SLC60A2: variants seen among roughly 807,000 people sequenced by gnomAD.
SLC60A2 encodes solute carrier family 60 member 2.
At chr6:111,266,247 G>A in the SLC60A2 span, 10 of 1,613,996 alleles carry the variant, frequency 6.2e-6, no homozygotes, top group Middle Eastern at 1.6e-4. Flanking sequence ...ATATCACAAC[G>A]CCCTTCTTTG....
chr6:111,265,353 G>A, the SLC60A2 span: 1 of 984,942 alleles, frequency 1.0e-6, no homozygotes, highest in Admixed American at 6.2e-5. Context: ...ATGCTAAACG[G>A]TGTCCTTGTT....
the SLC60A2 span, chr6:111,259,393 T>C: frequency 2.6e-6 from 1 of 380,418 alleles, no homozygotes; most frequent in Non-Finnish European, 4.7e-6. Flanking sequence ...GTTCCTCTTC[T>C]CTGCCCCGGT....
chr6:111,262,235 CTT>C, the SLC60A2 span: 8 of 1,596,128 alleles, frequency 5.0e-6, no homozygotes, highest in Non-Finnish European at 6.0e-6. Context: ...TAAGTAAAAA[CTT>C]TTGTCTTTTT....
At chr6:111,275,944 C>G in the SLC60A2 span, among the ~76,000 whole-genome samples, 1 of 152,260 alleles carries the variant, frequency 6.6e-6, no homozygotes, top group Non-Finnish European at 1.5e-5. Flanking sequence ...TCTACGCCCC[C>G]ATCCCAGCCC....
At chr6:111,267,318 A>T in the SLC60A2 span, 1 of 530,976 alleles carries the variant, frequency 1.9e-6, no homozygotes, top group South Asian at 2.8e-5. Flanking sequence ...TCATACACGT[A>T]CAATAGGATC....
chr6:111,272,550 T>C, the SLC60A2 span, among the ~76,000 whole-genome samples: 1 of 150,944 alleles, frequency 6.6e-6, no homozygotes, highest in African/African-American at 2.4e-5. Flanking sequence ...TCACTCTTGT[T>C]GCCCAGGCTG....
the SLC60A2 span, chr6:111,271,125 G>A: frequency 1.5e-5 from 2 of 134,122 alleles, no homozygotes; most frequent in African/African-American, 2.9e-5. Context: ...CCAAGATGGC[G>A]CCACTACACT....
At chr6:111,264,839 A>G in the SLC60A2 span, among the ~76,000 whole-genome samples, 1 of 151,780 alleles carries the variant, frequency 6.6e-6, no homozygotes, top group Admixed American at 6.6e-5. Context: ...TACGCCTATA[A>G]TCCTAGCACT....
chr6:111,277,933 G>T, the SLC60A2 span: 1 of 152,068 alleles, frequency 6.6e-6, no homozygotes. Context: ...TTGGATTACA[G>T]CTCCAAAGAC....
the SLC60A2 span, among the ~76,000 whole-genome samples, chr6:111,275,405 A>G: frequency 6.7e-6 from 1 of 150,206 alleles, no homozygotes; most frequent in Non-Finnish European, 1.5e-5. Flanking sequence ...TTAGCTCAGA[A>G]CAACTTTTTT....
At chr6:111,260,628 T>G in the SLC60A2 span, among the ~76,000 whole-genome samples, 1 of 152,210 alleles carries the variant, frequency 6.6e-6, no homozygotes, top group East Asian at 1.9e-4. Context: ...CACTTGATAA[T>G]TATGATCCTG....
chr6:111,271,775 TAAAAAAAAAAAAAAAAAA>T, the SLC60A2 span, among the ~76,000 whole-genome samples: 6 of 18,850 alleles, frequency 3.2e-4, no homozygotes, highest in East Asian at 4.5e-3. Flanking sequence ...CCATCTCTAC[TAAAAAAAAAAAAAAAAAA>T]AAAAAAAAAA....
chr6:111,279,292 C>T, the SLC60A2 span, among the ~76,000 whole-genome samples: 23,727 of 149,608 alleles, frequency 0.16, 2,029 homozygotes, highest in East Asian at 0.34. Context: ...GACAGAGTCT[C>T]GCTCTATTGC....
At chr6:111,265,252 C>A in the SLC60A2 span, 1 of 964,964 alleles carries the variant, frequency 1.0e-6, no homozygotes, top group Non-Finnish European at 1.2e-6. Context: ...ATATATTTAT[C>A]TGAAAATATC....
At chr6:111,277,035 T>C in the SLC60A2 span, among the ~76,000 whole-genome samples, 1 of 152,236 alleles carries the variant, frequency 6.6e-6, no homozygotes, top group Non-Finnish European at 1.5e-5. Flanking sequence ...CTGGTTAGCC[T>C]ATGAAGGGGT....
chr6:111,259,673 G>A, the SLC60A2 span: 1 of 1,590,532 alleles, frequency 6.3e-7, no homozygotes, highest in Non-Finnish European at 8.6e-7. Context: ...GTGGGACCGG[G>A]AGCAAGCTGC....
At chr6:111,268,154 C>CAAAATGATAAAAAA in the SLC60A2 span, 1 of 152,106 alleles carries the variant, frequency 6.6e-6, no homozygotes, top group East Asian at 1.9e-4. Context: ...GAAGTGAAAC[C>CAAAATGATAAAAAA]AAAATGATAA....
chr6:111,276,842 C>T, the SLC60A2 span, among the ~76,000 whole-genome samples: 1 of 152,190 alleles, frequency 6.6e-6, no homozygotes, highest in Non-Finnish European at 1.5e-5. Context: ...CATTCCTGGC[C>T]CATCTTCTAT....
the SLC60A2 span, among the ~76,000 whole-genome samples, chr6:111,279,911 G>A: frequency 6.6e-6 from 1 of 152,064 alleles, no homozygotes; most frequent in East Asian, 1.9e-4. Context: ...CTGCATGAGT[G>A]AGACTCCATC....
Sources: gnomAD v4.1 joint callset for allele counts (sites outside exome capture counted in the v4.1 genomes callset) on GRCh38, gnomAD v4.1.1 for gene constraint, MANE v1.5 for transcripts, NCBI Gene and HGNC (gene_info 2026-07-23, HGNC 2026-07-21) for gene names.